The following PPP1R1C variants were observed in gnomAD, a reference collection of about 807,000 sequenced individuals.
PPP1R1C encodes the protein protein phosphatase 1 regulatory inhibitor subunit 1C.
In PPP1R1C, 15 loss-of-function variants were observed where a neutral mutation model predicts 17.4. The observed-to-expected ratio is 0.86, with a 90% confidence interval of 0.58 to 1.33. The LOEUF (loss-of-function observed/expected upper bound fraction) is 1.33, where lower values mean the gene tolerates loss of function less well. Ranked by LOEUF, PPP1R1C falls within the 40% of genes most tolerant of loss-of-function variation. The pLI is 0.00. For synonymous variants in PPP1R1C, 35 were observed against 43.1 expected (o/e 0.81, Z 0.73); for missense variants, 143 against 130.0 (o/e 1.10, Z -0.48).
intron 2 of PPP1R1C, among the ~76,000 whole-genome samples, chr2:182,016,891 T>C (rs1686277702): frequency 2.6e-5 from 4 of 152,204 alleles, no homozygotes; most frequent in Admixed American, 2.6e-4. Context: ...GTCGTTTTTA[T>C]AGGGTAGGCC....
chr2:182,031,481 AC>A (rs1686836233), intron 2 of PPP1R1C, among the ~76,000 whole-genome samples: 1 of 152,222 alleles, frequency 6.6e-6, no homozygotes, highest in Non-Finnish European at 1.5e-5. Flanking sequence ...CATTTACTTA[AC>A]TTAGTTATAG....
intron 1 of PPP1R1C, among the ~76,000 whole-genome samples, chr2:181,964,942 G>T (rs1684880779): frequency 6.6e-6 from 1 of 152,174 alleles, no homozygotes; most frequent in Admixed American, 6.5e-5. Context: ...CTGACCTCAG[G>T]TCATCCACCC....
chr2:182,030,187 T>G (rs2125170156), intron 2 of PPP1R1C, among the ~76,000 whole-genome samples: 1 of 152,076 alleles, frequency 6.6e-6, no homozygotes, highest in East Asian at 1.9e-4. Flanking sequence ...GGTAATTTGA[T>G]CGTCTGAAGC....
rs1417650357 is a variant in PPP1R1C at position 182,117,589 on chromosome 2, G to A, written c.*294G>A. ...CTGTTCTAACTTTAATACTGCCAGA[G>A]CTTAATCCTTGATGTCCTACTGATA... On this transcript the variant is annotated 3_prime_UTR_variant, in exon 5 of 5. Transcript: ENST00000682840. The A allele has an allele frequency of 3.8e-6, 1 of 265,898 alleles. No individual in the cohort carries two copies. The highest frequency in any genetic ancestry group is 2.3e-5 in the African/African-American group (1 of 44,440). The allele number at this position is 265,898 out of a possible 1,614,324, so 16.5% of individuals were successfully genotyped here.
chr2:182,008,330 T>C (rs1222045150), intron 2 of PPP1R1C, among the ~76,000 whole-genome samples: 3 of 152,188 alleles, frequency 2.0e-5, no homozygotes, highest in Admixed American at 6.5e-5. Context: ...ATAATGTTTT[T>C]ATTATCATTC....
At chr2:182,075,571 A>G (rs908484935) in intron 4 of PPP1R1C, among the ~76,000 whole-genome samples, 23 of 152,376 alleles carry the variant, frequency 1.5e-4, no homozygotes, top group Middle Eastern at 3.4e-3. Flanking sequence ...AGAGGCAGAA[A>G]CACATAAAAT....
rs191100155 is a variant in PPP1R1C, at chr2:182,097,387, A to G, written c.242-19820A>G. ...CTCTCTTCTGATTTGTCTTCTAGTA[A>G]GTTATAGAAAACATAAGTATTGGGA... is the stretch of plus-strand genomic sequence containing the variant. On this transcript the variant is annotated intron_variant, in intron 4 of 4. Coordinates refer to ENST00000682840, the MANE Select transcript of PPP1R1C (RefSeq NM_001080545.3). 8.5e-4 allele frequency among the ~76,000 whole-genome samples: 130 copies of G among 152,314 alleles called. 1 individual carries two copies. The highest frequency in any genetic ancestry group is 1.9e-4 in the Non-Finnish European group (13 of 68,006).
chr2:182,007,345 A>G (rs1685952586), intron 2 of PPP1R1C, among the ~76,000 whole-genome samples: 1 of 152,204 alleles, frequency 6.6e-6, no homozygotes, highest in Non-Finnish European at 1.5e-5. Flanking sequence ...TACAATATCA[A>G]TAAGAATACT....
chr2:182,015,127 T>C (rs780924635), intron 2 of PPP1R1C, among the ~76,000 whole-genome samples: 3 of 152,192 alleles, frequency 2.0e-5, no homozygotes, highest in Non-Finnish European at 1.5e-5. Flanking sequence ...GAGTCCGATA[T>C]GGTTTGGCTG....
At chr2:182,060,490 C>T (rs1196158) in intron 2 of PPP1R1C, among the ~76,000 whole-genome samples, 6,446 of 152,024 alleles carry the variant, frequency 0.042, 423 homozygotes, top group Admixed American at 0.18. Flanking sequence ...ATTCAATCAC[C>T]CCAGGATAAC....
intron 2 of PPP1R1C, among the ~76,000 whole-genome samples, chr2:182,029,300 C>T (rs1440712607): frequency 2.0e-5 from 3 of 151,928 alleles, no homozygotes; most frequent in South Asian, 4.2e-4. Context: ...GCAGTTTCTT[C>T]CTAGTCTCGA....
intron 4 of PPP1R1C, among the ~76,000 whole-genome samples, chr2:182,073,972 A>G (rs1297079267): frequency 6.6e-6 from 1 of 152,064 alleles, no homozygotes; most frequent in Non-Finnish European, 1.5e-5. Flanking sequence ...ACACGTTGCC[A>G]TATTTCTTGT....
Position 182,033,654 on chromosome 2 carries a change from T to C in PPP1R1C, c.143-27788T>C, listed in dbSNP as rs554654247. On this transcript the variant is annotated intron_variant, in intron 2 of 4. Transcript: ENST00000682840. Reference sequence around the variant, plus strand: ...TTTTACGATAACCTTGTCTCACTCCTTGTGCCAACTTTGCCGTTACCCTTC... The same window carrying C: ...TTTTACGATAACCTTGTCTCACTCCCTGTGCCAACTTTGCCGTTACCCTTC... Among the ~76,000 whole-genome samples, 3 of 152,322 alleles carry C rather than the reference T, an allele frequency of 2.0e-5. No individual in the cohort carries two copies. In the East Asian group the frequency reaches 5.8e-4, roughly 29 times the overall value.
intron 4 of PPP1R1C, among the ~76,000 whole-genome samples, chr2:182,085,188 AATC>A (rs1559086709): frequency 4.6e-5 from 7 of 152,088 alleles, no homozygotes. Context: ...CTAGGTATAT[AATC>A]ATATCATTAG....
At chr2:182,002,464 A>G (rs1685794799) in intron 2 of PPP1R1C, among the ~76,000 whole-genome samples, 2 of 152,118 alleles carry the variant, frequency 1.3e-5, no homozygotes, top group South Asian at 4.1e-4. Context: ...AATAATACCA[A>G]ACAATAACAA....
At chr2:182,013,642 C>T (rs970261222) in intron 2 of PPP1R1C, among the ~76,000 whole-genome samples, 2 of 152,212 alleles carry the variant, frequency 1.3e-5, no homozygotes, top group Non-Finnish European at 2.9e-5. Flanking sequence ...TTCATCACCT[C>T]CTCTTTAAGA....
At chr2:182,005,136 C>T (rs1027599696) in intron 2 of PPP1R1C, among the ~76,000 whole-genome samples, 1 of 152,062 alleles carries the variant, frequency 6.6e-6, no homozygotes, top group African/African-American at 2.4e-5. Flanking sequence ...AAATGTTTAC[C>T]TAGTAATTAT....
At chr2:182,093,729 TA>T (rs1688852479) in intron 4 of PPP1R1C, among the ~76,000 whole-genome samples, 2 of 152,202 alleles carry the variant, frequency 1.3e-5, no homozygotes, top group African/African-American at 2.4e-5. Context: ...GTCCCTTTGC[TA>T]AAACATAATA....
At chr2:182,113,018 C>T (rs1689485734) in intron 4 of PPP1R1C, among the ~76,000 whole-genome samples, 1 of 152,088 alleles carries the variant, frequency 6.6e-6, no homozygotes, top group Non-Finnish European at 1.5e-5. Flanking sequence ...TTCAATAGTA[C>T]AGAATATTTC....
Sources: gnomAD v4.1 joint callset for allele counts (sites outside exome capture counted in the v4.1 genomes callset) on GRCh38, gnomAD v4.1.1 for gene constraint, MANE v1.5 for transcripts, NCBI Gene and HGNC (gene_info 2026-07-23, HGNC 2026-07-21) for gene names.